The following SLC12A3 variants were observed in gnomAD, a reference collection of about 807,000 sequenced individuals.
SLC12A3 encodes the protein solute carrier family 12 member 3, also known as Na-Cl cotransporter.
SLC12A3 carries 104 observed loss-of-function variants against 121.0 expected under a neutral mutation model. The ratio of observed to expected loss-of-function variants is 0.86; its 90% confidence interval spans 0.73 to 1.01. The LOEUF (loss-of-function observed/expected upper bound fraction) is 1.01. Ranked by LOEUF, SLC12A3 falls within the 50% of genes least tolerant of loss-of-function variation. The pLI is 0.00. For synonymous variants in SLC12A3, 536 were observed against 533.4 expected, an observed-to-expected ratio of 1.00 and a Z score of -0.07; for missense variants, 1,328 against 1,356.3, an observed-to-expected ratio of 0.98 and a Z score of 0.33.
At chr16:56,877,966 T>G (rs2144707882) in intron 8 of SLC12A3, 111 bp from the exon 9 acceptor site, 2 of 692,194 alleles carry the variant, frequency 2.9e-6, no homozygotes, top group South Asian at 3.5e-5. Flanking sequence ...AGCCTCAGCC[T>G]TAGACAAGGA....
At chr16:56,905,109 G>A (rs1293778383) in intron 25 of SLC12A3, among the ~76,000 whole-genome samples, 1 of 152,178 alleles carries the variant, frequency 6.6e-6, no homozygotes, top group Non-Finnish European at 1.5e-5. Flanking sequence ...GGAGGCTGAG[G>A]CGGGCAGATC....
chr16:56,895,301 C>T (rs1260776603), intron 22 of SLC12A3, among the ~76,000 whole-genome samples: 2 of 147,652 alleles, frequency 1.4e-5, no homozygotes, highest in African/African-American at 2.5e-5. Context: ...AAGCAATTCT[C>T]CTGCCTCAGC....
At chr16:56,867,033 C>A in intron 1 of SLC12A3, 37 bp from the exon 2 acceptor site, 2 of 1,606,210 alleles carry the variant, frequency 1.2e-6, no homozygotes, top group Non-Finnish European at 1.7e-6. Context: ...GTCCCTAGCA[C>A]CCCTACCTGC....
intron 23 of SLC12A3, among the ~76,000 whole-genome samples, chr16:56,900,632 G>C (rs1326244111): frequency 6.6e-6 from 1 of 152,032 alleles, no homozygotes; most frequent in Non-Finnish European, 1.5e-5. Context: ...CCAGGTTCAA[G>C]CAATTCTTCT....
chr16:56,869,279 G>A (rs577235965), intron 3 of SLC12A3, among the ~76,000 whole-genome samples: 84 of 152,282 alleles, frequency 5.5e-4, no homozygotes, highest in African/African-American at 1.9e-3. Context: ...TCCAATAAAT[G>A]CTGGCTCAAG....
In SLC12A3 at chr16:56,913,560, C is replaced by A; in HGVS notation, c.*155C>A. The A allele has an allele frequency of 2.5e-6, 2 of 797,944 alleles. No homozygotes were observed. The highest frequency in any genetic ancestry group is 1.9e-5 in the Admixed American group (1 of 52,508). The allele number at this position is 797,944 out of a possible 1,614,324, so 49.4% of individuals were successfully genotyped here. ...CGAAAAAGATGGTAGATTTCCAAAT[C>A]TGGCTGGACTCCACTTCCATGGGAC... On this transcript the variant is annotated 3_prime_UTR_variant, in exon 26 of 26. Transcript: ENST00000563236.
At position 56,879,611 on chromosome 16, in the gene SLC12A3, G is replaced by T. The variant is rs151095762; in HGVS notation, c.1405G>T (p.Ala469Ser). 3 of 1,613,662 alleles carry T rather than the reference G, an allele frequency of 1.9e-6. No individual in the cohort carries two copies. Among genetic ancestry groups the T allele is most frequent in the Non-Finnish European group, 1.7e-6 (2 of 1,179,970 alleles). ...CATCTTCGGGGCCACCCTCTCCTCT[G>T]CCCTGGCCTGCCTTGTCTCTGCTGC... Reference protein sequence around the residue: ...AGIFGATLSSALACLVSAAKV... With the variant: ...AGIFGATLSSSLACLVSAAKV... Residue 469 changes from alanine to serine, a missense_variant, in exon 11 of 26, where the codon GCC (alanine) becomes TCC (serine). By Grantham distance (99) the Ala-to-Ser change is moderately conservative (BLOSUM62 1). Transcript: ENST00000563236.
chr16:56,887,046 G>T lies in SLC12A3; in HGVS notation c.2131G>T (p.Asp711Tyr), dbSNP rs1435716522. ...GAGGAAGATCAAGGCCTTCTACTCG[G>T]ATGTCATTGCCGAGGACCTCCGCAG... ...NKRKIKAFYS[D>Y]VIAEDLRRGV... Residue 711 changes from aspartate (D) to tyrosine (Y), a missense_variant, in exon 17 of 26, where the codon GAT becomes TAT. Transcript: ENST00000563236. 2 of 1,613,918 alleles carry T rather than the reference G, an allele frequency of 1.2e-6. No individual in the cohort carries two copies. The highest frequency in any genetic ancestry group is 1.3e-5 in the African/African-American group (1 of 74,924).
intron 1 of SLC12A3, among the ~76,000 whole-genome samples, chr16:56,865,854 G>C (rs1003150920): frequency 6.6e-6 from 1 of 152,200 alleles, no homozygotes. Flanking sequence ...AGGGCTCGCC[G>C]GGTTTGCTGC....
intron 25 of SLC12A3, among the ~76,000 whole-genome samples, chr16:56,908,372 T>C (rs1385282142): frequency 1.3e-5 from 2 of 152,038 alleles, no homozygotes; most frequent in Admixed American, 1.3e-4. Flanking sequence ...CTCAAACTCC[T>C]GACCTCAGGT....
chr16:56,879,828 T>G (rs1359644523), intron 11 of SLC12A3, among the ~76,000 whole-genome samples, 179 bp downstream of exon 11: 2 of 152,064 alleles, frequency 1.3e-5, no homozygotes, highest in East Asian at 3.9e-4. Context: ...CCCCTCCGAC[T>G]TGACAAACAC....
intron 3 of SLC12A3, 118 bp downstream of exon 3, chr16:56,868,490 G>T: frequency 9.9e-7 from 1 of 1,006,970 alleles, no homozygotes; most frequent in Admixed American, 2.0e-5. Flanking sequence ...GAGGTGCAGA[G>T]ACCAAACGGC....
chr16:56,901,099 T>C (rs929154812), intron 23 of SLC12A3, among the ~76,000 whole-genome samples: 10 of 152,164 alleles, frequency 6.6e-5, no homozygotes, highest in Admixed American at 6.5e-4. Context: ...TGATCCTTCT[T>C]GAGACCGTTC....
rs527545872 is a variant in SLC12A3 at position 56,897,488 on chromosome 16, C to T, written c.2634-2042C>T. On this transcript the variant is annotated intron_variant, in intron 22 of 25. Transcript: ENST00000563236. ...CACCCGCAGTGTGAGTTAAGGGAAACCCAGCAATCCTATCACTTTGTCCTC... is the reference window on the plus strand; with the variant it reads ...CACCCGCAGTGTGAGTTAAGGGAAATCCAGCAATCCTATCACTTTGTCCTC... Among the ~76,000 whole-genome samples, 6 of 152,338 alleles carry T rather than the reference C, an allele frequency of 3.9e-5. No homozygotes were observed. In the South Asian group the frequency reaches 1.2e-3, roughly 32 times the overall value.
chr16:56,898,140 G>A (rs1458362835), intron 22 of SLC12A3, among the ~76,000 whole-genome samples: 4 of 152,224 alleles, frequency 2.6e-5, no homozygotes, highest in African/African-American at 9.6e-5. Context: ...TGGCACATCA[G>A]AATCACCTGG....
intron 18 of SLC12A3, among the ~76,000 whole-genome samples, chr16:56,888,244 A>G (rs1264797451): frequency 1.3e-5 from 2 of 152,194 alleles, no homozygotes; most frequent in Non-Finnish European, 2.9e-5. Context: ...GCACTGCTGC[A>G]CTCCAGCCTA....
At chr16:56,888,439 G>A (rs1596925825) in intron 18 of SLC12A3, among the ~76,000 whole-genome samples, 1 of 152,278 alleles carries the variant, frequency 6.6e-6, no homozygotes, top group East Asian at 1.9e-4. Flanking sequence ...ATAGGGAGCA[G>A]TGGAGACTGT....
At chr16:56,906,903 A>G in intron 25 of SLC12A3, 1 of 509,526 alleles carries the variant, frequency 2.0e-6, no homozygotes, top group African/African-American at 2.0e-5. Context: ...TGTAAAGGCC[A>G]CGTTGGTGCT....
chr16:56,869,631 AGAAG>A, intron 3 of SLC12A3, 94 bp from the exon 4 acceptor site: 1 of 949,126 alleles, frequency 1.1e-6, no homozygotes, highest in Non-Finnish European at 1.7e-6. Context: ...TGAAGCTCAG[AGAAG>A]GGAGATGAAC....
Sources: allele counts gnomAD v4.1 joint callset (sites outside exome capture counted in the v4.1 genomes callset), GRCh38; gene constraint gnomAD v4.1.1; transcripts MANE v1.5; gene names NCBI Gene and HGNC (gene_info 2026-07-23, HGNC 2026-07-21).